ELF1: variants seen among roughly 807,000 people sequenced by gnomAD.
ELF1 encodes the protein ETS-related transcription factor Elf-1.
In ELF1, 24 loss-of-function variants were observed where a neutral mutation model predicts 59.9. That is an observed-to-expected ratio of 0.40 (90% CI 0.29 to 0.56). ELF1 has a LOEUF of 0.56. ELF1 is among the 20% of genes least tolerant of loss of function. The probability of loss-of-function intolerance (pLI) is 0.44; values close to 1 mark genes in which losing one functional copy is unlikely to be tolerated. For synonymous variants in ELF1, 248 were observed against 266.2 expected (o/e 0.93, Z 0.67); for missense variants, 627 against 742.2 (o/e 0.84, Z 1.80).
Position 40,933,629 on chromosome 13 carries a change from T to G in ELF1, c.1656A>C (p.Val552=). ...SQLVAHPPGT[V]ITSVIKTQET... ...CTTGAGTTTTGATAACTGAAGTGATTACAGTGCCAGGTGGGTGAGCAACCA... is the reference window on the plus strand; with the variant it reads ...CTTGAGTTTTGATAACTGAAGTGATGACAGTGCCAGGTGGGTGAGCAACCA... Residue 552 remains valine, a synonymous_variant, in exon 9 of 9, where the codon GTA becomes GTC. Transcript: ENST00000239882. The G allele has an allele frequency of 3.1e-6, 5 of 1,614,242 alleles. No individual in the cohort carries two copies. The highest frequency in any genetic ancestry group is 4.2e-6 in the Non-Finnish European group (5 of 1,180,046).
chr13:40,969,453 A>G (rs912037832), intron 2 of ELF1, among the ~76,000 whole-genome samples: 4 of 152,204 alleles, frequency 2.6e-5, no homozygotes, highest in Admixed American at 6.5e-5. Flanking sequence ...TTACTTGTAA[A>G]ATGGGGATAA....
intron 1 of ELF1, among the ~76,000 whole-genome samples, chr13:41,049,723 C>T (rs142740375): frequency 3.0e-4 from 45 of 152,198 alleles, no homozygotes; most frequent in Middle Eastern, 3.4e-3. Context: ...TCTACAGAAA[C>T]GTCATGTCCT....
intron 1 of ELF1, among the ~76,000 whole-genome samples, chr13:41,045,540 G>A (rs1411435236): frequency 3.9e-5 from 6 of 152,066 alleles, no homozygotes; most frequent in Non-Finnish European, 7.4e-5. Flanking sequence ...CCTTCATTTC[G>A]TTATGTACCC....
At chr13:40,961,008 T>C (rs913264069) in intron 2 of ELF1, among the ~76,000 whole-genome samples, 1 of 152,200 alleles carries the variant, frequency 6.6e-6, no homozygotes, top group African/African-American at 2.4e-5. Context: ...TTCCTGCTCA[T>C]AGATAATAAT....
chr13:41,002,620 A>AACAT (rs1874526143), intron 1 of ELF1, among the ~76,000 whole-genome samples: 1 of 151,644 alleles, frequency 6.6e-6, no homozygotes, highest in Non-Finnish European at 1.5e-5. Flanking sequence ...CCATCTCAAA[A>AACAT]AAATAAATAA....
intron 3 of ELF1, among the ~76,000 whole-genome samples, chr13:40,954,155 A>G (rs1324901766): frequency 6.6e-6 from 1 of 152,234 alleles, no homozygotes; most frequent in East Asian, 1.9e-4. Flanking sequence ...TGGTAAGGGA[A>G]AAGTAACTCT....
intron 1 of ELF1, chr13:40,993,070 T>A: frequency 6.2e-7 from 1 of 1,608,234 alleles, no homozygotes; most frequent in Non-Finnish European, 8.5e-7. Context: ...GGGGCCTTCA[T>A]CATCTTGTCA....
chr13:41,051,139 CAAAAG>C, intron 1 of ELF1, among the ~76,000 whole-genome samples: 1 of 151,410 alleles, frequency 6.6e-6, no homozygotes, highest in South Asian at 2.1e-4. Flanking sequence ...AATGGCAATG[CAAAAG>C]AAAAAAGTTT....
At chr13:40,947,555 G>C (rs1027571316) in intron 5 of ELF1, among the ~76,000 whole-genome samples, 5 of 152,098 alleles carry the variant, frequency 3.3e-5, no homozygotes, top group Admixed American at 6.5e-5. Context: ...GTCTTAACCT[G>C]GGTTTACAAC....
chr13:41,008,433 T>C (rs1411401801), intron 1 of ELF1, among the ~76,000 whole-genome samples: 1 of 152,224 alleles, frequency 6.6e-6, no homozygotes, highest in Admixed American at 6.5e-5. Flanking sequence ...AACTTGTATG[T>C]ATCTACCGCT....
intron 7 of ELF1, among the ~76,000 whole-genome samples, chr13:40,942,425 G>C (rs189405590): frequency 1.3e-4 from 20 of 152,278 alleles, no homozygotes; most frequent in Non-Finnish European, 2.1e-4. Flanking sequence ...TGTTACTCTT[G>C]TTCAAAATTC....
intron 1 of ELF1, among the ~76,000 whole-genome samples, chr13:41,052,053 G>C (rs1485474076): frequency 1.3e-5 from 2 of 148,322 alleles, no homozygotes; most frequent in Non-Finnish European, 3.0e-5. Context: ...TGATTCTCCT[G>C]ACACACCCTT....
chr13:40,960,228 T>G (rs925994094), intron 2 of ELF1, among the ~76,000 whole-genome samples: 1 of 152,218 alleles, frequency 6.6e-6, no homozygotes, highest in Non-Finnish European at 1.5e-5. Flanking sequence ...CTTTAGACAT[T>G]ATCCAAATTT....
chr13:41,059,597 G>C (rs769703941), intron 1 of ELF1, among the ~76,000 whole-genome samples: 58 of 152,162 alleles, frequency 3.8e-4, no homozygotes, highest in Admixed American at 1.0e-3. Context: ...ATCTACAAGA[G>C]TCACTTTTTC....
chr13:41,030,988 C>T (rs1452294615), intron 1 of ELF1, among the ~76,000 whole-genome samples: 1 of 150,196 alleles, frequency 6.7e-6, no homozygotes, highest in Non-Finnish European at 1.5e-5. Flanking sequence ...TGATGAAACC[C>T]CATTTCTACA....
chr13:41,010,126 C>A (rs1874965432), intron 1 of ELF1, among the ~76,000 whole-genome samples: 1 of 148,814 alleles, frequency 6.7e-6, no homozygotes, highest in African/African-American at 2.5e-5. Flanking sequence ...ATGCTTTGGG[C>A]CAAGCATGGT....
At chr13:41,044,129 T>G (rs1182714626) in intron 1 of ELF1, among the ~76,000 whole-genome samples, 1 of 152,232 alleles carries the variant, frequency 6.6e-6, no homozygotes, top group Non-Finnish European at 1.5e-5. Flanking sequence ...ATGCTTGTGA[T>G]TTTTGCACAT....
intron 1 of ELF1, among the ~76,000 whole-genome samples, chr13:41,025,347 TCTC>T (rs914675120): frequency 7.2e-5 from 11 of 152,160 alleles, no homozygotes; most frequent in African/African-American, 2.2e-4. Flanking sequence ...TACAGAAGGA[TCTC>T]CTCAACAGCC....
intron 2 of ELF1, among the ~76,000 whole-genome samples, chr13:40,967,395 C>T (rs1201363111): frequency 6.6e-6 from 1 of 152,088 alleles, no homozygotes; most frequent in Non-Finnish European, 1.5e-5. Context: ...GTTCCTACAT[C>T]TATTCAAAAT....
Sources: allele counts gnomAD v4.1 joint callset (sites outside exome capture counted in the v4.1 genomes callset), GRCh38; gene constraint gnomAD v4.1.1; transcripts MANE v1.5; gene names NCBI Gene and HGNC (gene_info 2026-07-23, HGNC 2026-07-21).